AUTS2: variants seen among roughly 807,000 people sequenced by gnomAD.
AUTS2 encodes the protein autism susceptibility gene 2 protein.
AUTS2 carries 17 observed loss-of-function variants against 112.4 expected under a neutral mutation model. The observed-to-expected ratio is 0.15, with a 90% confidence interval of 0.10 to 0.23. AUTS2 has a LOEUF of 0.23. AUTS2 is among the 10% of genes least tolerant of loss of function. AUTS2 has a pLI of 1.00. For missense variants in AUTS2, 1,510 were observed against 1,701.6 expected (o/e 0.89, Z 1.98); for synonymous variants, 751 against 702.7 (o/e 1.07, Z -1.09).
At chr7:70,196,923 G>T (rs536240216) in intron 4 of AUTS2, among the ~76,000 whole-genome samples, 2 of 152,108 alleles carry the variant, frequency 1.3e-5, no homozygotes, top group African/African-American at 4.8e-5. Flanking sequence ...GGTTTTGAGC[G>T]GTTGTCTTCT....
intron 4 of AUTS2, among the ~76,000 whole-genome samples, chr7:70,235,879 C>T (rs1052637731): frequency 5.3e-5 from 8 of 152,078 alleles, no homozygotes; most frequent in Non-Finnish European, 8.8e-5. Flanking sequence ...AGGCTTGTCT[C>T]GAACTCCTGA....
At chr7:69,811,950 GA>G (rs1285543099) in intron 1 of AUTS2, among the ~76,000 whole-genome samples, 1 of 152,214 alleles carries the variant, frequency 6.6e-6, no homozygotes, top group East Asian at 1.9e-4. Flanking sequence ...ATCAATGCAT[GA>G]ATGAAATTGC....
At position 70,763,330 on chromosome 7, in the gene AUTS2, C is replaced by A; in HGVS notation, c.1203C>A (p.Leu401=). The change falls in exon 7 of 19, where the codon CTC becomes CTA. Residue 401 remains leucine, a synonymous_variant. Transcript: ENST00000342771. ...CCTACAACAGCAGTAGCTTAAGCCT[C>A]AACAGTTTAAGGTGAGTGGCCTGCT... The part of the protein sequence containing the change: ...LSAYNSSSLS[L]NSLSSSRSST... 6.4e-7 allele frequency: 1 copy of A among 1,572,972 alleles called. No homozygotes were observed. Among genetic ancestry groups the A allele is most frequent in the Non-Finnish European group, 8.6e-7 (1 of 1,158,068 alleles).
chr7:70,670,330 T>C (rs1383289997), intron 5 of AUTS2, among the ~76,000 whole-genome samples: 1 of 152,222 alleles, frequency 6.6e-6, no homozygotes. Context: ...CTTAGTCAAA[T>C]TATAAATTGA....
At chr7:70,323,765 T>G (rs1790362237) in intron 4 of AUTS2, among the ~76,000 whole-genome samples, 1 of 152,226 alleles carries the variant, frequency 6.6e-6, no homozygotes. Context: ...TATAATATCA[T>G]GTAGCTGTGC....
At chr7:69,629,533 A>T (rs1794127198) in intron 1 of AUTS2, among the ~76,000 whole-genome samples, 1 of 152,158 alleles carries the variant, frequency 6.6e-6, no homozygotes, top group African/African-American at 2.4e-5. Flanking sequence ...GGGGATAAGG[A>T]AGACATTTTA....
intron 5 of AUTS2, among the ~76,000 whole-genome samples, chr7:70,623,775 G>T (rs1309871757): frequency 6.6e-6 from 1 of 152,196 alleles, no homozygotes; most frequent in East Asian, 1.9e-4. Context: ...TGCTGGCCAG[G>T]CTTCTCTGTT....
intron 4 of AUTS2, among the ~76,000 whole-genome samples, chr7:70,266,389 G>A (rs1787423977): frequency 6.6e-6 from 1 of 152,158 alleles, no homozygotes; most frequent in African/African-American, 2.4e-5. Flanking sequence ...ATTGCTTAAT[G>A]GGTATAGGGT....
intron 5 of AUTS2, among the ~76,000 whole-genome samples, chr7:70,657,927 C>A (rs1055193129): frequency 6.6e-6 from 1 of 152,168 alleles, no homozygotes; most frequent in Non-Finnish European, 1.5e-5. Flanking sequence ...TGACTCGTTT[C>A]CCAATCTATG....
chr7:69,618,126 T>C (rs1459254866), intron 1 of AUTS2, among the ~76,000 whole-genome samples: 1 of 152,166 alleles, frequency 6.6e-6, no homozygotes, highest in Non-Finnish European at 1.5e-5. Flanking sequence ...GATAGAGTTG[T>C]AGAGTTGGGA....
At chr7:70,183,167 A>G (rs1809409834) in intron 4 of AUTS2, among the ~76,000 whole-genome samples, 1 of 152,146 alleles carries the variant, frequency 6.6e-6, no homozygotes, top group Admixed American at 6.5e-5. Context: ...GATAAACTTG[A>G]TGATGTGCAA....
At chr7:69,785,892 G>A (rs574477644) in intron 1 of AUTS2, among the ~76,000 whole-genome samples, 40 of 152,118 alleles carry the variant, frequency 2.6e-4, no homozygotes, top group Non-Finnish European at 4.1e-4. Context: ...GTGCAATGGC[G>A]CAATCTCGGC....
chr7:70,116,932 C>T (rs940447968), intron 2 of AUTS2, among the ~76,000 whole-genome samples: 3 of 152,074 alleles, frequency 2.0e-5, no homozygotes, highest in African/African-American at 7.2e-5. Flanking sequence ...CTTGGTGTTT[C>T]TGAAAATGTG....
At chr7:70,152,112 A>G (rs1026514285) in intron 4 of AUTS2, among the ~76,000 whole-genome samples, 5 of 152,192 alleles carry the variant, frequency 3.3e-5, no homozygotes, top group Admixed American at 2.0e-4. Context: ...ACTTGAATTC[A>G]TAGCAACAGA....
chr7:70,593,445 C>A (rs77708156), intron 5 of AUTS2, among the ~76,000 whole-genome samples: 8 of 152,286 alleles, frequency 5.3e-5, no homozygotes, highest in African/African-American at 1.9e-4. Flanking sequence ...TGGGGCATCA[C>A]TCCCTTTGGT....
chr7:70,753,134 C>T (rs1788973189), intron 6 of AUTS2, among the ~76,000 whole-genome samples: 1 of 152,084 alleles, frequency 6.6e-6, no homozygotes, highest in South Asian at 2.1e-4. Flanking sequence ...AGATTAACCC[C>T]TATCAGGGTT....
At chr7:70,774,459 GA>G in intron 12 of AUTS2, 1 of 218,108 alleles carries the variant, frequency 4.6e-6, no homozygotes, top group Non-Finnish European at 9.1e-6. Flanking sequence ...GTTTTGAATG[GA>G]AAAGCACTAA....
In AUTS2 at chr7:70,181,105, G is replaced by A. The variant is rs147268307; in HGVS notation, c.660+46534G>A. Among the ~76,000 whole-genome samples, 662 of 152,276 alleles carry A rather than the reference G, an allele frequency of 4.3e-3. 9 individuals carry two copies. The highest frequency in any genetic ancestry group is 0.015 in the African/African-American group (621 of 41,548). On this transcript the variant is annotated intron_variant, in intron 4 of 18. Transcript: ENST00000342771. ...TTTAACTTTTTAAATGGAAGATGATGCTTGTGAGATTAATTCAGGTTGCTA... is the reference window on the plus strand; with the variant it reads ...TTTAACTTTTTAAATGGAAGATGATACTTGTGAGATTAATTCAGGTTGCTA...
At chr7:70,183,735 C>A (rs1012087677) in intron 4 of AUTS2, among the ~76,000 whole-genome samples, 1 of 152,074 alleles carries the variant, frequency 6.6e-6, no homozygotes, top group East Asian at 1.9e-4. Flanking sequence ...CTGGACTGGG[C>A]CATTTCACTC....
Sources: gnomAD v4.1 joint callset for allele counts (sites outside exome capture counted in the v4.1 genomes callset) on GRCh38, gnomAD v4.1.1 for gene constraint, MANE v1.5 for transcripts, NCBI Gene and HGNC (gene_info 2026-07-23, HGNC 2026-07-21) for gene names.